NCALD: variants seen among roughly 807,000 people sequenced by gnomAD.
NCALD encodes neurocalcin delta, also known as neurocalcin-delta.
NCALD carries 10 observed loss-of-function variants against 18.6 expected under a neutral mutation model. The observed-to-expected ratio is 0.54, with a 90% CI of 0.33 to 0.91. The LOEUF is 0.91. Ranked by LOEUF, NCALD falls within the 40% of genes least tolerant of loss-of-function variation. The probability of loss-of-function intolerance (pLI) is 0.03; values close to 1 mark genes in which losing one functional copy is unlikely to be tolerated. For synonymous variants in NCALD, 88 were observed against 87.4 expected (o/e 1.01, Z -0.04); for missense variants, 184 against 247.6 (o/e 0.74, Z 1.72).
intron 2 of NCALD, among the ~76,000 whole-genome samples, chr8:102,009,439 CTGA>C (rs1821829307): frequency 6.6e-6 from 1 of 152,184 alleles, no homozygotes; most frequent in Non-Finnish European, 1.5e-5. Context: ...TTCCGTCTCC[CTGA>C]ATAAGGAGGA....
intron 1 of NCALD, among the ~76,000 whole-genome samples, chr8:101,719,988 T>G (rs1254034507): frequency 1.3e-5 from 2 of 152,168 alleles, no homozygotes; most frequent in Non-Finnish European, 2.9e-5. Flanking sequence ...AATTTTGACA[T>G]CAATTTGCCA....
At chr8:101,759,290 C>T (rs1811015671) in intron 1 of NCALD, among the ~76,000 whole-genome samples, 1 of 152,126 alleles carries the variant, frequency 6.6e-6, no homozygotes, top group South Asian at 2.1e-4. Context: ...TAAAGATTCA[C>T]TCTCCTAAGC....
intron 2 of NCALD, among the ~76,000 whole-genome samples, chr8:101,976,814 G>A (rs1205233105): frequency 6.6e-6 from 1 of 152,080 alleles, no homozygotes; most frequent in East Asian, 1.9e-4. Flanking sequence ...GCAAAGAAGG[G>A]AAATACTTAA....
chr8:101,882,447 C>T (rs931828697), intron 4 of NCALD, among the ~76,000 whole-genome samples: 1 of 152,114 alleles, frequency 6.6e-6, no homozygotes, highest in Non-Finnish European at 1.5e-5. Context: ...GAAATAGGAC[C>T]TCGACAGACA....
At chr8:101,922,137 G>A (rs1818187885) in intron 2 of NCALD, among the ~76,000 whole-genome samples, 1 of 145,104 alleles carries the variant, frequency 6.9e-6, no homozygotes, top group Non-Finnish European at 1.5e-5. Context: ...CTCAATTTTA[G>A]ACTTTGAGAT....
rs765826737 is a variant in NCALD at position 102,067,148 on chromosome 8, T to C, written c.-209-46859A>G. ...ATAGAGTCCCCCAAACCATTGCCCA[T>C]TCCTAACCCATGGAGAGAAATGGGT... On this transcript the variant is annotated intron_variant, in intron 1 of 6. Coordinates refer to the NCALD transcript ENST00000311028. 2.4e-4 allele frequency among the ~76,000 whole-genome samples: 36 copies of C among 152,308 alleles called. 1 individual carries two copies. The Middle Eastern group carries it at 0.02, about 86-fold the overall frequency.
At chr8:101,777,574 G>C (rs1212827274) in intron 1 of NCALD, among the ~76,000 whole-genome samples, 2 of 152,088 alleles carry the variant, frequency 1.3e-5, no homozygotes, top group African/African-American at 2.4e-5. Context: ...CAGGGTTGGG[G>C]GTGCTGTCTG....
At chr8:101,854,292 A>T (rs1361175283) in intron 4 of NCALD, among the ~76,000 whole-genome samples, 1 of 152,142 alleles carries the variant, frequency 6.6e-6, no homozygotes, top group Non-Finnish European at 1.5e-5. Flanking sequence ...ACAAGCAGCC[A>T]CCTTTAAACA....
intron 1 of NCALD, among the ~76,000 whole-genome samples, chr8:102,055,566 A>G (rs576149212): frequency 3.1e-4 from 47 of 152,350 alleles, no homozygotes; most frequent in African/African-American, 1.0e-3. Context: ...TACCCTGCAT[A>G]TGGTGGTGCC....
At chr8:101,956,078 T>A (rs1819611130) in intron 2 of NCALD, among the ~76,000 whole-genome samples, 1 of 152,164 alleles carries the variant, frequency 6.6e-6, no homozygotes, top group Non-Finnish European at 1.5e-5. Flanking sequence ...ATATTTGTAC[T>A]ATTCTTGACA....
intron 1 of NCALD, among the ~76,000 whole-genome samples, chr8:102,034,904 G>A (rs931235689): frequency 1.1e-4 from 17 of 152,120 alleles, no homozygotes; most frequent in Non-Finnish European, 2.4e-4. Flanking sequence ...TCACATTGTT[G>A]TGTAACAACC....
At chr8:101,939,317 G>C (rs969236177) in intron 2 of NCALD, among the ~76,000 whole-genome samples, 12 of 152,152 alleles carry the variant, frequency 7.9e-5, no homozygotes, top group African/African-American at 2.9e-4. Flanking sequence ...CAGATTCATT[G>C]AATGAAAAGC....
At position 101,719,342 on chromosome 8, in the gene NCALD, C is replaced by T. The variant is rs138595768; in HGVS notation, c.288G>A (p.Lys96=). ...AGGCCCATTTCAGCTTCTGCTCCAG[C>T]TTCCCCCTCGAAGTTACACTCAAGG... The part of the protein sequence containing the change: ...IIALSVTSRG[K]LEQKLKWAFS... The change falls in exon 2 of 4, where the codon AAG becomes AAA. Residue 96 remains lysine (K), a synonymous_variant. Coordinates refer to ENST00000220931, the MANE Select transcript of NCALD (RefSeq NM_032041.3). 2,039 of 1,614,242 alleles carry T rather than the reference C, an allele frequency of 1.3e-3. 2 individuals are homozygous for T. The highest frequency in any genetic ancestry group is 1.6e-3 in the Non-Finnish European group (1,893 of 1,180,046).
At position 101,775,369 on chromosome 8, in the gene NCALD, G is replaced by A. The variant is rs539664885; in HGVS notation, c.-20+15493C>T. 7.9e-5 allele frequency among the ~76,000 whole-genome samples: 12 copies of A among 152,252 alleles called. No individual in the cohort carries two copies. In the East Asian group the frequency reaches 2.1e-3, roughly 27 times the overall value. ...GTGCTTGGCAATCTGTCCACAGCTC[G>A]AGATACCTATAGAGATTAGGAGGTA... On this transcript the variant is annotated intron_variant, in intron 1 of 3. Transcript: ENST00000220931.
intron 1 of NCALD, among the ~76,000 whole-genome samples, chr8:102,027,364 A>T (rs1177081013): frequency 6.6e-6 from 1 of 152,212 alleles, no homozygotes; most frequent in Non-Finnish European, 1.5e-5. Flanking sequence ...TCTCAAGTTC[A>T]AAGTTCCACA....
intron 1 of NCALD, among the ~76,000 whole-genome samples, chr8:101,725,619 T>C (rs1800225025): frequency 6.6e-6 from 1 of 152,178 alleles, no homozygotes; most frequent in Non-Finnish European, 1.5e-5. Context: ...AGAGCATTAA[T>C]TGTAACACAC....
Position 101,689,306 on chromosome 8 carries a change from G to T in NCALD, c.*3C>A, listed in dbSNP as rs754432617. 2 of 1,613,620 alleles carry T rather than the reference G, an allele frequency of 1.2e-6. No individual in the cohort carries two copies. The highest frequency in any genetic ancestry group is 2.2e-5 in the South Asian group (2 of 90,928). On this transcript the variant is annotated 3_prime_UTR_variant, in exon 4 of 4. Coordinates refer to ENST00000220931, the MANE Select transcript of NCALD (RefSeq NM_032041.3). The surrounding 1 kb of genome is among the most constrained non-coding windows in gnomAD (Gnocchi z 4.4). ...TCTACAATTCGATTGGTGGGCGCAG[G>T]GCTCAGAACTGGCCGGCACTGCTCG...
At chr8:101,872,101 T>C (rs945063812) in intron 4 of NCALD, 26 of 1,590,766 alleles carry the variant, frequency 1.6e-5, no homozygotes, top group East Asian at 6.7e-5. Context: ...GGTGGTTGAA[T>C]TGGCTTTGAT....
chr8:101,918,740 CCACACA>C (rs34480976), intron 2 of NCALD, among the ~76,000 whole-genome samples: 8,155 of 140,708 alleles, frequency 0.058, 685 homozygotes, highest in African/African-American at 0.19. Context: ...TTTACAATAG[CCACACA>C]CACACACACA....
Sources: allele counts gnomAD v4.1 joint callset (sites outside exome capture counted in the v4.1 genomes callset), GRCh38; gene constraint gnomAD v4.1.1; non-coding constraint Gnocchi (gnomAD v3.1); transcripts MANE v1.5; gene names NCBI Gene and HGNC (gene_info 2026-07-23, HGNC 2026-07-21).